Variants in MAN1C1 observed in about 807,000 individuals in gnomAD.
The protein encoded by MAN1C1 is mannosyl-oligosaccharide 1,2-alpha-mannosidase IC.
A neutral mutation model predicts 71.5 loss-of-function variants in MAN1C1; 49 were observed. That is an observed-to-expected ratio of 0.69 (90% confidence interval 0.54 to 0.87). MAN1C1 has a LOEUF of 0.87. Among genes scored for constraint, MAN1C1 ranks in the 40% least tolerant of loss-of-function variants. The pLI is 0.00. For missense variants in MAN1C1, 743 were observed against 835.0 expected, an observed-to-expected ratio of 0.89 and a Z score of 1.36; for synonymous variants, 352 against 343.7, an observed-to-expected ratio of 1.02 and a Z score of -0.27.
chr1:25,764,886 A>G lies in MAN1C1; in HGVS notation c.1141+919A>G, dbSNP rs2047408021. Among the ~76,000 whole-genome samples, 1 of 151,982 alleles carries G rather than the reference A, an allele frequency of 6.6e-6. No individual in the cohort carries two copies. The highest frequency in any genetic ancestry group is 2.1e-4 in the South Asian group (1 of 4,824). ...AACATGGCGAAACCCTGTCTCTACT[A>G]AAAATACAAAAAGTAGCTGGGTGTG... On this transcript the variant is annotated intron_variant, in intron 7 of 11. Transcript: ENST00000374332. This position sits in a 1 kb window ranked among gnomAD's most constrained non-coding sequence, Gnocchi z 4.4.
rs1384899580 is a variant in MAN1C1 at position 25,677,433 on chromosome 1, TAC to T, written c.541-8997_541-8996del. Among the ~76,000 whole-genome samples, 26 of 147,140 alleles carry T rather than the reference TAC, an allele frequency of 1.8e-4. No homozygotes were observed. The East Asian group carries it at 5.0e-3, about 28-fold the overall frequency. On this transcript the variant is annotated intron_variant, in intron 1 of 11. Transcript: ENST00000374332. ...AGGGACACACACACACACACACACG[TAC>T]ACACACACAATGACTGCCTGTTGCG...
intron 2 of MAN1C1, among the ~76,000 whole-genome samples, chr1:25,717,565 T>A (rs1170884023): frequency 6.6e-6 from 1 of 150,904 alleles, no homozygotes; most frequent in Non-Finnish European, 1.5e-5. Flanking sequence ...AAAGCAGATG[T>A]ACCATTTTCC....
chr1:25,677,975 A>G (rs1376894596), intron 1 of MAN1C1, among the ~76,000 whole-genome samples: 2 of 143,424 alleles, frequency 1.4e-5, no homozygotes, highest in African/African-American at 5.2e-5. Context: ...TTTGTTTTTC[A>G]TTTTAACAAC....
chr1:25,637,112 G>A (rs747453166), intron 1 of MAN1C1, among the ~76,000 whole-genome samples: 22 of 151,836 alleles, frequency 1.4e-4, no homozygotes, highest in African/African-American at 4.4e-4. Flanking sequence ...CTGAGATCGC[G>A]CCACTGCACT....
At chr1:25,660,120 G>A (rs1288613707) in intron 1 of MAN1C1, among the ~76,000 whole-genome samples, 2 of 152,182 alleles carry the variant, frequency 1.3e-5, no homozygotes, top group Non-Finnish European at 2.9e-5. Context: ...GTTTATATAT[G>A]GCCCAGTGTG....
intron 7 of MAN1C1, 110 bp from the exon 8 acceptor site, chr1:25,771,547 C>T: frequency 1.3e-6 from 1 of 768,110 alleles, no homozygotes; most frequent in African/African-American, 1.7e-5. Flanking sequence ...ATGCCCGCTT[C>T]CTACCCGTAC....
rs1235492491 is a variant in MAN1C1, at chr1:25,618,349, G to A, written c.540+12G>A. On this transcript the variant is annotated intron_variant, in intron 1 of 11. Transcript: ENST00000374332. ...AGAAAATCAAGGAGGTATGGACTCA[G>A]CCCCCAAACTCCTCCCACCAACTGC... 3 of 1,587,962 alleles carry A rather than the reference G, an allele frequency of 1.9e-6. No homozygotes were observed.
At chr1:25,622,244 G>A (rs2124747306) in intron 1 of MAN1C1, among the ~76,000 whole-genome samples, 1 of 152,290 alleles carries the variant, frequency 6.6e-6, no homozygotes, top group Admixed American at 6.5e-5. Flanking sequence ...GCTGGGTCAA[G>A]TCCTAGCTGT....
In MAN1C1 at chr1:25,776,657, AC is replaced by A. The variant is rs139093124; in HGVS notation, c.1258-1446del. Among the ~76,000 whole-genome samples, 5,388 of 152,214 alleles carry A rather than the reference AC, an allele frequency of 0.035. 314 individuals carry two copies. Among genetic ancestry groups the A allele is most frequent in the African/African-American group, 0.12 (5,021 of 41,500 alleles). On this transcript the variant is annotated intron_variant, in intron 8 of 11. Coordinates refer to ENST00000374332, the MANE Select transcript of MAN1C1 (RefSeq NM_020379.4). The surrounding 1 kb of genome is among the most constrained non-coding windows in gnomAD (Gnocchi z 4.3). ...CAGAGTCCAGGCTCCTCTCCAGCACACCTGTAGCCCCAGTACCTAGCACAGC... is the reference window on the plus strand; with the variant it reads ...CAGAGTCCAGGCTCCTCTCCAGCACACTGTAGCCCCAGTACCTAGCACAGC...
chr1:25,697,277 GCTATCATA>G (rs1335919712), intron 2 of MAN1C1, among the ~76,000 whole-genome samples: 1 of 152,092 alleles, frequency 6.6e-6, no homozygotes, highest in African/African-American at 2.4e-5. Flanking sequence ...TCATATAAAT[GCTATCATA>G]CTGTATCTGG....
Position 25,735,316 on chromosome 1 carries a change from G to T in MAN1C1, c.638-11352G>T, listed in dbSNP as rs911502282. 6.6e-6 allele frequency among the ~76,000 whole-genome samples: 1 copy of T among 152,224 alleles called. No homozygotes were observed. The highest frequency in any genetic ancestry group is 1.5e-5 in the Non-Finnish European group (1 of 68,044). Reference sequence around the variant, plus strand: ...GCCTGTAATCCCAGCTACTTGGGAGGCTGAGGCAATGAGAATCACTTGAAC... The same window carrying T: ...GCCTGTAATCCCAGCTACTTGGGAGTCTGAGGCAATGAGAATCACTTGAAC... On this transcript the variant is annotated intron_variant, in intron 2 of 11. Coordinates refer to ENST00000374332, the MANE Select transcript of MAN1C1 (RefSeq NM_020379.4). This position sits in a 1 kb window ranked among gnomAD's most constrained non-coding sequence, Gnocchi z 4.6.
chr1:25,629,009 G>C (rs550416570), intron 1 of MAN1C1, among the ~76,000 whole-genome samples: 1 of 152,300 alleles, frequency 6.6e-6, no homozygotes, highest in African/African-American at 2.4e-5. Flanking sequence ...TGGACACTTA[G>C]GTTGGTCCCA....
chr1:25,627,339 T>C (rs528226703), intron 1 of MAN1C1, among the ~76,000 whole-genome samples: 1 of 152,146 alleles, frequency 6.6e-6, no homozygotes, highest in Non-Finnish European at 1.5e-5. Context: ...TGGAGTGCGG[T>C]GGTGTGATCT....
chr1:25,640,145 C>A (rs1482688673), intron 1 of MAN1C1, among the ~76,000 whole-genome samples: 1 of 152,152 alleles, frequency 6.6e-6, no homozygotes, highest in Non-Finnish European at 1.5e-5. Flanking sequence ...TCCAAGGCAC[C>A]ATCTGTGAGG....
At chr1:25,739,996 C>T (rs1167420606) in intron 2 of MAN1C1, among the ~76,000 whole-genome samples, 4 of 152,160 alleles carry the variant, frequency 2.6e-5, no homozygotes, top group Non-Finnish European at 5.9e-5. Context: ...TTCCTAAATA[C>T]TTACGGGCCC....
intron 1 of MAN1C1, among the ~76,000 whole-genome samples, chr1:25,655,517 G>GT (rs1290723793): frequency 6.6e-6 from 1 of 152,232 alleles, no homozygotes; most frequent in African/African-American, 2.4e-5. Flanking sequence ...AGTGAGCTGA[G>GT]TTTGACAAGC....
chr1:25,748,978 G>T (rs2047175514), intron 3 of MAN1C1, among the ~76,000 whole-genome samples: 2 of 152,228 alleles, frequency 1.3e-5, no homozygotes, highest in Non-Finnish European at 2.9e-5. Context: ...GCGCTCCTTG[G>T]AGCACAACCA....
chr1:25,782,626 G>C lies in MAN1C1; in HGVS notation c.1692G>C (p.Gly564=), dbSNP rs1461111361. 6.2e-7 allele frequency: 1 copy of C among 1,614,006 alleles called. No homozygotes were observed. The highest frequency in any genetic ancestry group is 2.2e-5 in the East Asian group (1 of 44,880). The change falls in exon 11 of 12, where the codon GGG becomes GGC. Residue 564 remains glycine (G), a synonymous_variant. Coordinates refer to ENST00000374332, the MANE Select transcript of MAN1C1 (RefSeq NM_020379.4). The surrounding 1 kb of genome is among the most constrained non-coding windows in gnomAD (Gnocchi z 4.4). ...KYCRTEAGFS[G]IQDVYSSTPN... is the part of the protein sequence containing the mutation. ...GTCGGACAGAAGCCGGTTTCTCTGGGATCCAAGACGTGTACAGTAGCACCC... is the reference window on the plus strand; with the variant it reads ...GTCGGACAGAAGCCGGTTTCTCTGGCATCCAAGACGTGTACAGTAGCACCC...
intron 2 of MAN1C1, among the ~76,000 whole-genome samples, chr1:25,718,654 T>G (rs919145977): frequency 6.6e-6 from 1 of 152,208 alleles, no homozygotes; most frequent in Non-Finnish European, 1.5e-5. Flanking sequence ...TTTGCCTTTT[T>G]TGGATGTTTC....
Sources: allele counts gnomAD v4.1 joint callset (sites outside exome capture counted in the v4.1 genomes callset), GRCh38; gene constraint gnomAD v4.1.1; non-coding constraint Gnocchi (gnomAD v3.1); transcripts MANE v1.5; gene names NCBI Gene and HGNC (gene_info 2026-07-23, HGNC 2026-07-21).